The following NUP210 variants were observed in gnomAD, a reference collection of about 807,000 sequenced individuals.
The protein encoded by NUP210 is nuclear pore membrane glycoprotein 210.
NUP210 carries 151 observed loss-of-function variants against 196.0 expected under a neutral mutation model. The observed-to-expected ratio is 0.77, with a 90% CI of 0.67 to 0.88. The LOEUF is 0.88. Among genes scored for constraint, NUP210 ranks in the 40% least tolerant of loss-of-function variants. NUP210 has a pLI of 0.00. For synonymous variants in NUP210, 1,070 were observed against 1,052.7 expected, an observed-to-expected ratio of 1.02 and a Z score of -0.32; for missense variants, 2,314 against 2,493.7, an observed-to-expected ratio of 0.93 and a Z score of 1.53.
chr3:13,322,440 G>A (rs1696578583), intron 34 of NUP210, 101 bp from the exon 35 acceptor site: 5 of 1,297,376 alleles, frequency 3.9e-6, no homozygotes, highest in African/African-American at 1.5e-5. Context: ...AATGCCACCT[G>A]CCCCTGCATG....
chr3:13,354,481 T>C (rs1698099776), intron 16 of NUP210: 1 of 192,674 alleles, frequency 5.2e-6, no homozygotes, highest in African/African-American at 2.3e-5. Context: ...CCACAGGAAC[T>C]ATCTGGTCCC....
In NUP210 at chr3:13,317,645, C is replaced by T. The variant is rs137876140; in HGVS notation, c.*36G>A. On this transcript the variant is annotated 3_prime_UTR_variant, in exon 40 of 40. Transcript: ENST00000254508. ...TTCCATCTTGGGGGTGCACGAGGCT[C>T]GGCTGAGACCCATCCTCCGGGAACC... is the stretch of plus-strand genomic sequence containing the variant. 42 of 1,458,622 alleles carry T rather than the reference C, an allele frequency of 2.9e-5. No homozygotes were observed. The highest frequency in any genetic ancestry group is 3.5e-5 in the Non-Finnish European group (37 of 1,056,278). 90.4% of individuals were successfully genotyped at this position (1,458,622 alleles called of 1,614,324 possible). A position where few individuals can be genotyped will look rare whatever the true frequency, so the allele number is the denominator to read the frequency against.
At position 13,340,122 on chromosome 3, in the gene NUP210, G is replaced by A; in HGVS notation, c.3292-89C>T. On this transcript the variant is annotated intron_variant, in intron 24 of 39. Transcript: ENST00000254508. This position sits in a 1 kb window ranked among gnomAD's most constrained non-coding sequence, Gnocchi z 4.0. ...TCAGAGAGCCAGGGCCCCAGTGCAG[G>A]CAGCTTCTGCCTTCTTCTCCCAGTC... 1 of 1,601,216 alleles carries A rather than the reference G, an allele frequency of 6.2e-7. No homozygotes were observed. Among genetic ancestry groups the A allele is most frequent in the Non-Finnish European group, 8.5e-7 (1 of 1,171,594 alleles).
Position 13,366,167 on chromosome 3 carries a change from T to G in NUP210, c.1787-76A>C, listed in dbSNP as rs1009286918. The G allele has an allele frequency of 3.5e-6, 5 of 1,445,228 alleles. No homozygotes were observed. In the African/African-American group the frequency reaches 7.0e-5, roughly 20 times the overall value. 89.5% of individuals were successfully genotyped at this position (1,445,228 alleles called of 1,614,324 possible). On this transcript the variant is annotated intron_variant, in intron 13 of 39. Coordinates refer to ENST00000254508, the MANE Select transcript of NUP210 (RefSeq NM_024923.4). ...TTTTTGAGATGGAGTCTCGCTGTGT[T>G]GCCCAGGCTGGAGTACAGTGGCATG...
chr3:13,332,577 G>A (rs1697042157), intron 28 of NUP210, among the ~76,000 whole-genome samples, 193 bp from the exon 29 acceptor site: 1 of 152,166 alleles, frequency 6.6e-6, no homozygotes, highest in African/African-American at 2.4e-5. Flanking sequence ...GCCGGGTAGA[G>A]TAGCTCAGCC....
intron 29 of NUP210, 137 bp downstream of exon 29, chr3:13,332,156 A>ATCTCGGT: frequency 3.0e-6 from 2 of 664,174 alleles, no homozygotes; most frequent in Non-Finnish European, 5.5e-6. Context: ...GAGCAGGCAG[A>ATCTCGGT]GGCCTCACCC....
Position 13,327,081 on chromosome 3 carries a change from A to G in NUP210, c.4507+136T>C. 3 of 665,340 alleles carry G rather than the reference A, an allele frequency of 4.5e-6. No individual in the cohort carries two copies. The East Asian group carries it at 8.2e-5, about 18-fold the overall frequency. 41.2% of individuals were successfully genotyped at this position (665,340 alleles called of 1,614,324 possible). ...TCTGGTCTCCGGGCAGCAGTTTTGGAGCACTGCTCCTGAGTATCCTGCAGG... is the reference window on the plus strand; with the variant it reads ...TCTGGTCTCCGGGCAGCAGTTTTGGGGCACTGCTCCTGAGTATCCTGCAGG... On this transcript the variant is annotated intron_variant, in intron 32 of 39. Coordinates refer to ENST00000254508, the MANE Select transcript of NUP210 (RefSeq NM_024923.4).
intron 21 of NUP210, among the ~76,000 whole-genome samples, chr3:13,342,566 G>T (rs1697555209): frequency 6.6e-6 from 1 of 152,154 alleles, no homozygotes; most frequent in Admixed American, 6.6e-5. Context: ...GTGAGGCTGG[G>T]TACAGCATAT....
chr3:13,377,330 G>C, intron 9 of NUP210, 126 bp downstream of exon 9: 1 of 688,328 alleles, frequency 1.5e-6, no homozygotes, highest in Non-Finnish European at 2.6e-6. Context: ...AGCGCCACTA[G>C]AAACAGGACC....
At chr3:13,384,632 T>C (rs1699214540) in intron 6 of NUP210, among the ~76,000 whole-genome samples, 1 of 152,210 alleles carries the variant, frequency 6.6e-6, no homozygotes. Context: ...ACTGAGGAAA[T>C]GTTCAGTCAT....
Position 13,372,805 on chromosome 3 carries a change from C to T in NUP210, c.1588-773G>A, listed in dbSNP as rs112599932. ...GAGTGCAAGCCCCGCCAGCTGGCCCCGGAAGCCAGGTTCTACCCAGAACGC... is the reference window on the plus strand; with the variant it reads ...GAGTGCAAGCCCCGCCAGCTGGCCCTGGAAGCCAGGTTCTACCCAGAACGC... On this transcript the variant is annotated intron_variant, in intron 12 of 39. Transcript: ENST00000254508. 1.5e-3 allele frequency among the ~76,000 whole-genome samples: 223 copies of T among 152,250 alleles called. 1 individual carries two copies. Among genetic ancestry groups the T allele is most frequent in the African/African-American group, 4.9e-3 (204 of 41,556 alleles).
chr3:13,416,098 G>A (rs1400730548), intron 1 of NUP210, among the ~76,000 whole-genome samples: 1 of 152,174 alleles, frequency 6.6e-6, no homozygotes, highest in Non-Finnish European at 1.5e-5. Context: ...GGCCCTGAAA[G>A]GACTCCCATC....
At chr3:13,328,968 T>G (rs1312574752) in intron 30 of NUP210, 22 bp from the exon 31 acceptor site, 2 of 1,607,316 alleles carry the variant, frequency 1.2e-6, no homozygotes, top group African/African-American at 2.7e-5. Context: ...CATACAGGTA[T>G]GATGAGGATT....
At chr3:13,345,420 T>C (rs1298521010) in intron 20 of NUP210, among the ~76,000 whole-genome samples, 1 of 152,162 alleles carries the variant, frequency 6.6e-6, no homozygotes, top group African/African-American at 2.4e-5. Flanking sequence ...GACTCTCCAC[T>C]TCCCAGGAGA....
intron 3 of NUP210, among the ~76,000 whole-genome samples, chr3:13,394,301 G>T (rs1699583587): frequency 6.6e-6 from 1 of 152,216 alleles, no homozygotes; most frequent in Non-Finnish European, 1.5e-5. Flanking sequence ...GATGCAAGAG[G>T]CACGGGTGGG....
At chr3:13,326,047 G>T in intron 32 of NUP210, 116 bp from the exon 33 acceptor site, 1 of 1,345,732 alleles carries the variant, frequency 7.4e-7, no homozygotes, top group Non-Finnish European at 1.0e-6. Context: ...CCCCATGGGG[G>T]CTCACTCAGC....
intron 4 of NUP210, among the ~76,000 whole-genome samples, 169 bp from the exon 5 acceptor site, chr3:13,388,622 C>T (rs916970106): frequency 6.6e-6 from 1 of 152,270 alleles, no homozygotes; most frequent in East Asian, 1.9e-4. Flanking sequence ...CCTGCAGCTT[C>T]CTACATCAGA....
intron 14 of NUP210, among the ~76,000 whole-genome samples, chr3:13,361,364 C>A (rs918381595): frequency 3.3e-5 from 5 of 152,222 alleles, no homozygotes; most frequent in African/African-American, 4.8e-5. Flanking sequence ...ACAAAGCTCT[C>A]ATTTCCTCCA....
intron 32 of NUP210, 100 bp from the exon 33 acceptor site, chr3:13,326,031 C>A: frequency 1.4e-6 from 2 of 1,480,150 alleles, no homozygotes; most frequent in African/African-American, 1.4e-5. Context: ...CGCTGGCTGC[C>A]GCTACCCCCA....
Sources: allele counts gnomAD v4.1 joint callset (sites outside exome capture counted in the v4.1 genomes callset), GRCh38; gene constraint gnomAD v4.1.1; non-coding constraint Gnocchi (gnomAD v3.1); transcripts MANE v1.5; gene names NCBI Gene and HGNC (gene_info 2026-07-23, HGNC 2026-07-21).